WDR41: variants seen among roughly 807,000 people sequenced by gnomAD.
The protein encoded by WDR41 is WD repeat domain 41.
Under a neutral mutation model 69.3 loss-of-function variants are expected in WDR41, and 63 were observed. The ratio of observed to expected loss-of-function variants is 0.91; its 90% CI spans 0.74 to 1.12. WDR41 has a LOEUF of 1.12. Among genes scored for constraint, WDR41 ranks in the 50% most tolerant of loss-of-function variants. The probability of loss-of-function intolerance (pLI) is 0.00; values close to 1 mark genes in which losing one functional copy is unlikely to be tolerated. For synonymous variants in WDR41, 185 were observed against 192.1 expected (o/e 0.96, Z 0.31); for missense variants, 543 against 534.5 (o/e 1.02, Z -0.16).
intron 8 of WDR41, among the ~76,000 whole-genome samples, chr5:77,448,633 GC>G (rs1476198457): frequency 6.6e-6 from 1 of 152,066 alleles, no homozygotes; most frequent in East Asian, 1.9e-4. Context: ...ACTGTGGGAG[GC>G]TGAGGCAGGT....
At chr5:77,539,030 C>T (rs1303316106) in intron 1 of WDR41, among the ~76,000 whole-genome samples, 1 of 152,132 alleles carries the variant, frequency 6.6e-6, no homozygotes, top group Admixed American at 6.5e-5. Context: ...GGGCTCTCTT[C>T]CTGGTTTGCA....
At chr5:77,492,412 C>G, upstream of WDR41, 1 of 651,786 alleles carries the variant, frequency 1.5e-6, no homozygotes, top group South Asian at 2.5e-5. Context: ...CGCTCCCGTA[C>G]CCAGCCACGG....
chr5:77,501,451 T>C (rs969327651), intron 1 of WDR41, among the ~76,000 whole-genome samples: 1 of 152,232 alleles, frequency 6.6e-6, no homozygotes, highest in African/African-American at 2.4e-5. Flanking sequence ...GGGCAGGGCA[T>C]AGCTGAACAA....
At chr5:77,508,207 G>A (rs1394561865) in intron 1 of WDR41, among the ~76,000 whole-genome samples, 2 of 151,824 alleles carry the variant, frequency 1.3e-5, no homozygotes, top group South Asian at 2.1e-4. Context: ...CTGCAGCCTC[G>A]ACCACCCAGG....
At chr5:77,562,148 T>C (rs1289875870) in intron 1 of WDR41, among the ~76,000 whole-genome samples, 1 of 152,196 alleles carries the variant, frequency 6.6e-6, no homozygotes, top group Non-Finnish European at 1.5e-5. Flanking sequence ...TGGCTGGCAC[T>C]GATTTTTGAT....
intron 2 of WDR41, among the ~76,000 whole-genome samples, chr5:77,483,488 G>A (rs1486042809): frequency 7.3e-5 from 1 of 13,748 alleles, no homozygotes; most frequent in Non-Finnish European, 1.2e-4. Flanking sequence ...ACTCGTGTGT[G>A]TGTGTGTGTG....
In WDR41 at chr5:77,613,503, T is replaced by C. The variant is rs759576551; in HGVS notation, c.42+6976A>G. ...AGAAATAACGCCGCATATCTACAACTATCTGATCTTTGACAAACCTGAGAA... is the reference window on the plus strand; with the variant it reads ...AGAAATAACGCCGCATATCTACAACCATCTGATCTTTGACAAACCTGAGAA... On this transcript the variant is annotated intron_variant, in intron 1 of 5. Transcript: ENST00000509971. Among the ~76,000 whole-genome samples, 859 of 152,108 alleles carry C rather than the reference T, an allele frequency of 5.6e-3. 8 individuals carry two copies. The highest frequency in any genetic ancestry group is 0.01 in the Admixed American group (158 of 15,274).
chr5:77,556,236 CT>C (rs1743391285), intron 1 of WDR41, among the ~76,000 whole-genome samples: 3 of 150,830 alleles, frequency 2.0e-5, no homozygotes, highest in Non-Finnish European at 4.4e-5. Context: ...GCCGAAATAG[CT>C]GGGATTATAG....
At chr5:77,471,935 C>A (rs1385663261) in intron 2 of WDR41, among the ~76,000 whole-genome samples, 1 of 152,194 alleles carries the variant, frequency 6.6e-6, no homozygotes, top group Non-Finnish European at 1.5e-5. Flanking sequence ...AGGCCAGCAT[C>A]ATCCTGATAC....
chr5:77,477,632 C>T lies in WDR41; in HGVS notation c.167+11825G>A, dbSNP rs1264339525. ...AGATGTTCTTTGAAACCAACGAGAA[C>T]AAAGACACAACATATCAGAATCTCT... On this transcript the variant is annotated intron_variant, in intron 2 of 12. Transcript: ENST00000296679. Among the ~76,000 whole-genome samples, 2 of 84,420 alleles carry T rather than the reference C, an allele frequency of 2.4e-5. 1 individual carries two copies. Among genetic ancestry groups the T allele is most frequent in the African/African-American group, 1.8e-4 (2 of 11,036 alleles). 55.4% of individuals were successfully genotyped at this position (84,420 alleles called of 152,430 possible). A position where few individuals can be genotyped will look rare whatever the true frequency, so the allele number is the denominator to read the frequency against.
At chr5:77,597,836 A>C (rs778872556) in intron 1 of WDR41, among the ~76,000 whole-genome samples, 5 of 152,224 alleles carry the variant, frequency 3.3e-5, no homozygotes, top group Admixed American at 6.5e-5. Flanking sequence ...GAAATAATTT[A>C]ACTTAGAGAG....
In WDR41 at chr5:77,431,244, T is replaced by C. The variant is rs1360637827; in HGVS notation, c.*1891A>G. On this transcript the variant is annotated 3_prime_UTR_variant, in exon 13 of 13. Transcript: ENST00000296679. ...TTGGAAAACTTCATCGCTATCTTAT[T>C]TTAAGGAACTGCCACAGCCACCCCA... 6.6e-6 allele frequency: 1 copy of C among 152,352 alleles called. No homozygotes were observed. 9.4% of individuals were successfully genotyped at this position (152,352 alleles called of 1,614,324 possible).
chr5:77,585,038 C>T (rs1033769644), intron 1 of WDR41, among the ~76,000 whole-genome samples: 2 of 151,968 alleles, frequency 1.3e-5, no homozygotes, highest in Non-Finnish European at 2.9e-5. Context: ...AAACAGACAA[C>T]TCACACAGTG....
At chr5:77,576,041 G>A (rs1743824951) in intron 1 of WDR41, among the ~76,000 whole-genome samples, 1 of 152,158 alleles carries the variant, frequency 6.6e-6, no homozygotes, top group Admixed American at 6.6e-5. Flanking sequence ...ACCACAGACA[G>A]AGATTTAATA....
chr5:77,600,719 A>T (rs1395695135), intron 1 of WDR41, among the ~76,000 whole-genome samples: 1 of 152,144 alleles, frequency 6.6e-6, no homozygotes, highest in Non-Finnish European at 1.5e-5. Context: ...GTCTCTACTA[A>T]AAATATGAAA....
intron 2 of WDR41, among the ~76,000 whole-genome samples, chr5:77,478,319 AT>A (rs1395435729): frequency 6.6e-6 from 1 of 152,212 alleles, no homozygotes; most frequent in African/African-American, 2.4e-5. Flanking sequence ...TCCCTAACTC[AT>A]TTTATGAGGC....
chr5:77,496,504 T>C (rs1371736346), upstream of WDR41, among the ~76,000 whole-genome samples: 3 of 151,946 alleles, frequency 2.0e-5, no homozygotes, highest in Non-Finnish European at 4.4e-5. Context: ...ATAAAGCAAT[T>C]CCATTTACAA....
chr5:77,605,331 T>C (rs921084097), intron 1 of WDR41, among the ~76,000 whole-genome samples: 1 of 152,192 alleles, frequency 6.6e-6, no homozygotes, highest in African/African-American at 2.4e-5. Context: ...GCCCAAGGAT[T>C]CTCACCATAA....
Position 77,568,667 on chromosome 5 carries a change from A to C in WDR41, c.42+51812T>G, listed in dbSNP as rs186074737. ...TAAACAATATAGTGCCCATGAAAGC[A>C]TTCTGCACACTCTAAGATGCCATGG... On this transcript the variant is annotated intron_variant, in intron 1 of 5. Coordinates refer to the WDR41 transcript ENST00000509971. Among the ~76,000 whole-genome samples, 257 of 152,290 alleles carry C rather than the reference A, an allele frequency of 1.7e-3. 1 individual carries two copies. The highest frequency in any genetic ancestry group is 5.0e-3 in the African/African-American group (207 of 41,578).
Sources: allele counts gnomAD v4.1 joint callset (sites outside exome capture counted in the v4.1 genomes callset), GRCh38; gene constraint gnomAD v4.1.1; transcripts MANE v1.5; gene names NCBI Gene and HGNC (gene_info 2026-07-23, HGNC 2026-07-21).